Variants in RORA observed in about 807,000 individuals in gnomAD.
RORA encodes the protein nuclear receptor ROR-alpha.
A neutral mutation model predicts 69.5 loss-of-function variants in RORA; 7 were observed. The ratio of observed to expected loss-of-function variants is 0.10; its 90% CI spans 0.06 to 0.19. The LOEUF is 0.19. Among genes scored for constraint, RORA ranks in the 10% least tolerant of loss-of-function variants. The pLI is 1.00. For missense variants in RORA, 457 were observed against 663.0 expected (o/e 0.69, Z 3.41); for synonymous variants, 261 against 240.8 (o/e 1.08, Z -0.78).
intron 1 of RORA, among the ~76,000 whole-genome samples, chr15:60,888,784 G>A (rs371697615): frequency 7.2e-5 from 11 of 152,168 alleles, no homozygotes; most frequent in South Asian, 2.1e-4. Context: ...TCTGTGCTCC[G>A]GGAGAGGTGA....
At chr15:60,524,125 C>T (rs1190710985) in intron 3 of RORA, among the ~76,000 whole-genome samples, 2 of 152,208 alleles carry the variant, frequency 1.3e-5, no homozygotes, top group South Asian at 2.1e-4. Flanking sequence ...TCAAGCATCA[C>T]CAAGTTAGGC....
rs545134733 is a variant in RORA, at chr15:60,658,709, A to G, written c.196+19948T>C. Among the ~76,000 whole-genome samples, 6 of 152,352 alleles carry G rather than the reference A, an allele frequency of 3.9e-5. No individual in the cohort carries two copies. The East Asian group carries it at 9.6e-4, about 24-fold the overall frequency. ...ATCTACTTTATCTCAGTGAGCTGCTATTAAGTGCAAAGAAGATAACATGTT... is the reference window on the plus strand; with the variant it reads ...ATCTACTTTATCTCAGTGAGCTGCTGTTAAGTGCAAAGAAGATAACATGTT... On this transcript the variant is annotated intron_variant, in intron 2 of 10. Transcript: ENST00000335670.
Position 60,495,204 on chromosome 15 carries a change from AGC to A in RORA, c.*2249_*2250del, listed in dbSNP as rs1263568750. On this transcript the variant is annotated 3_prime_UTR_variant, in exon 11 of 11. Transcript: ENST00000335670. ...AATGGATGAATAAATAACTGAACTA[AGC>A]TTGGTACTCTTTTCAGAGTATAAAT... is the stretch of plus-strand genomic sequence containing the variant. The A allele has an allele frequency of 5.9e-5, 9 of 152,358 alleles. No individual in the cohort carries two copies. Among genetic ancestry groups the A allele is most frequent in the African/African-American group, 1.9e-4 (8 of 41,596 alleles). The allele number at this position is 152,358 out of a possible 1,614,324, so 9.4% of individuals were successfully genotyped here. A position where few individuals can be genotyped will look rare whatever the true frequency, so the allele number is the denominator to read the frequency against.
chr15:60,929,205 G>A (rs893373676), intron 1 of RORA, among the ~76,000 whole-genome samples: 6 of 152,148 alleles, frequency 3.9e-5, no homozygotes, highest in Non-Finnish European at 8.8e-5. Flanking sequence ...GGCAAGCTTT[G>A]TGAGGCAAGC....
chr15:60,707,534 T>C (rs555629150), intron 1 of RORA, among the ~76,000 whole-genome samples: 1 of 152,020 alleles, frequency 6.6e-6, no homozygotes, highest in Non-Finnish European at 1.5e-5. Flanking sequence ...TGGCTAATTT[T>C]TTGTATTTTT....
chr15:60,991,906 A>AAAAATAAAAT (rs60034207), intron 1 of RORA, among the ~76,000 whole-genome samples: 29,180 of 147,940 alleles, frequency 0.2, 3,234 homozygotes, highest in African/African-American at 0.29. Context: ...ACCGTGCCTC[A>AAAAATAAAAT]AAAATAAAAT....
intron 1 of RORA, among the ~76,000 whole-genome samples, chr15:60,760,917 C>T (rs1269584342): frequency 1.4e-5 from 2 of 146,138 alleles, no homozygotes; most frequent in Non-Finnish European, 1.5e-5. Flanking sequence ...TGTGACTGGT[C>T]ATATGAGATT....
At chr15:60,771,515 T>C (rs1034931068) in intron 1 of RORA, among the ~76,000 whole-genome samples, 3 of 152,208 alleles carry the variant, frequency 2.0e-5, no homozygotes, top group African/African-American at 4.8e-5. Context: ...GCCTTTCATA[T>C]AGTTGGTGCT....
chr15:61,204,385 A>G (rs1682321847), intron 1 of RORA, among the ~76,000 whole-genome samples: 1 of 152,240 alleles, frequency 6.6e-6, no homozygotes, highest in Non-Finnish European at 1.5e-5. Context: ...GCAATCAATG[A>G]GTGGATAAAT....
intron 1 of RORA, among the ~76,000 whole-genome samples, chr15:60,974,775 C>G (rs1893829668): frequency 6.6e-6 from 1 of 152,142 alleles, no homozygotes; most frequent in Non-Finnish European, 1.5e-5. Context: ...GCCTCCACCC[C>G]AGCGTGGGGC....
intron 1 of RORA, among the ~76,000 whole-genome samples, chr15:60,692,347 T>C (rs1451031510): frequency 1.3e-5 from 2 of 152,220 alleles, no homozygotes; most frequent in Non-Finnish European, 2.9e-5. Context: ...AATAAAACAA[T>C]GCAGCATCAT....
intron 1 of RORA, among the ~76,000 whole-genome samples, chr15:60,741,280 AC>A (rs2071572189): frequency 6.6e-6 from 1 of 152,114 alleles, no homozygotes; most frequent in Admixed American, 6.5e-5. Flanking sequence ...GCTTAATATG[AC>A]CTTCAGGCTT....
intron 1 of RORA, among the ~76,000 whole-genome samples, chr15:61,047,595 T>C (rs879738229): frequency 2.9e-5 from 4 of 137,014 alleles, no homozygotes; most frequent in African/African-American, 1.0e-4. Context: ...GTGTCGAGAA[T>C]GGTAAAACAA....
chr15:60,754,451 C>T (rs1443311408), intron 1 of RORA, among the ~76,000 whole-genome samples: 1 of 152,206 alleles, frequency 6.6e-6, no homozygotes, highest in Non-Finnish European at 1.5e-5. Flanking sequence ...TCCATATCAT[C>T]TGAGTCTGCT....
intron 1 of RORA, among the ~76,000 whole-genome samples, chr15:60,700,021 G>C (rs2070960253): frequency 6.6e-6 from 1 of 152,180 alleles, no homozygotes; most frequent in African/African-American, 2.4e-5. Context: ...AGGAAAGCCA[G>C]GGAGGTCAGA....
At chr15:60,896,967 G>T (rs1891247369) in intron 1 of RORA, among the ~76,000 whole-genome samples, 1 of 152,096 alleles carries the variant, frequency 6.6e-6, no homozygotes, top group African/African-American at 2.4e-5. Context: ...AGATGGTCAG[G>T]ACAGAATATC....
At chr15:60,555,532 C>T (rs1390561440) in intron 2 of RORA, among the ~76,000 whole-genome samples, 1 of 152,122 alleles carries the variant, frequency 6.6e-6, no homozygotes, top group Non-Finnish European at 1.5e-5. Flanking sequence ...TTCATAATTG[C>T]CAACACAGCC....
chr15:60,777,889 T>C (rs895470680), intron 1 of RORA, among the ~76,000 whole-genome samples: 1 of 152,168 alleles, frequency 6.6e-6, no homozygotes, highest in Non-Finnish European at 1.5e-5. Flanking sequence ...ATCACAGCAA[T>C]GTAAGTGGGT....
At chr15:60,624,399 C>T (rs1984762) in intron 2 of RORA, among the ~76,000 whole-genome samples, 21,235 of 144,054 alleles carry the variant, frequency 0.15, 1,770 homozygotes, top group Middle Eastern at 0.27. Flanking sequence ...CCTTTGAATC[C>T]AGGGACACGA....
Sources: allele counts gnomAD v4.1 joint callset (sites outside exome capture counted in the v4.1 genomes callset), GRCh38; gene constraint gnomAD v4.1.1; transcripts MANE v1.5; gene names NCBI Gene and HGNC (gene_info 2026-07-23, HGNC 2026-07-21).